The following RNFT2 variants were observed in gnomAD, a reference collection of about 807,000 sequenced individuals.
RNFT2 encodes the protein ring finger protein, transmembrane 2.
A neutral mutation model predicts 53.0 loss-of-function variants in RNFT2; 36 were observed. The ratio of observed to expected loss-of-function variants is 0.68; its 90% CI spans 0.52 to 0.90. The LOEUF (loss-of-function observed/expected upper bound fraction) is 0.90. Ranked by LOEUF, RNFT2 falls within the 40% of genes least tolerant of loss-of-function variation. RNFT2 has a pLI of 0.00. For missense variants in RNFT2, 514 were observed against 585.6 expected, an observed-to-expected ratio of 0.88 and a Z score of 1.26; for synonymous variants, 260 against 253.2, an observed-to-expected ratio of 1.03 and a Z score of -0.26.
At chr12:116,834,008 G>A in intron 8 of RNFT2, 67 bp downstream of exon 8, 1 of 1,412,782 alleles carries the variant, frequency 7.1e-7, no homozygotes, top group South Asian at 1.7e-5. Flanking sequence ...GGCCTCAGGG[G>A]GCTCCTGGGC....
intron 7 of RNFT2, among the ~76,000 whole-genome samples, chr12:116,789,964 A>G (rs989284659): frequency 4.0e-5 from 6 of 149,290 alleles, no homozygotes; most frequent in South Asian, 4.3e-4. Flanking sequence ...GGGTGGGTGG[A>G]TGGATGGATG....
chr12:116,795,281 G>A (rs1448005269), intron 7 of RNFT2, among the ~76,000 whole-genome samples: 1 of 151,946 alleles, frequency 6.6e-6, no homozygotes, highest in Non-Finnish European at 1.5e-5. Context: ...GGTGGCATGT[G>A]CCTGTAATCC....
rs1276045563 is a variant in RNFT2, at chr12:116,750,897, TATATA to T, written c.550+591_550+595del. On this transcript the variant is annotated intron_variant, in intron 4 of 10. Coordinates refer to ENST00000257575, the MANE Select transcript of RNFT2 (RefSeq NM_001382266.1). ...ATATATATATTATATATATAATATA[TATATA>T]TATATATTTTTTTTTGAGACAGGGT... Among the ~76,000 whole-genome samples, 74 of 8,828 alleles carry T rather than the reference TATATA, an allele frequency of 8.4e-3. 2 individuals carry two copies. The highest frequency in any genetic ancestry group is 0.026 in the Admixed American group (12 of 454). The allele number at this position is 8,828 out of a possible 152,430, so 5.8% of individuals were successfully genotyped here.
intron 2 of RNFT2, 49 bp from the exon 3 acceptor site, chr12:116,740,987 G>T (rs375617001): frequency 5.9e-6 from 9 of 1,519,832 alleles, no homozygotes; most frequent in Non-Finnish European, 8.2e-6. Context: ...AATCTGACAG[G>T]CAGTGGGAGT....
intron 5 of RNFT2, among the ~76,000 whole-genome samples, chr12:116,766,578 GT>G (rs1476174622): frequency 2.0e-5 from 3 of 152,216 alleles, no homozygotes; most frequent in African/African-American, 7.2e-5. Context: ...GAACCATGGT[GT>G]TCTCTTGCCT....
chr12:116,774,303 TTA>T (rs2137110364), intron 6 of RNFT2, among the ~76,000 whole-genome samples: 1 of 152,338 alleles, frequency 6.6e-6, no homozygotes, highest in Non-Finnish European at 1.5e-5. Context: ...ACCTTTTATG[TTA>T]TGTGTGTTTT....
chr12:116,744,957 C>G (rs576828025), intron 3 of RNFT2, among the ~76,000 whole-genome samples: 1 of 152,224 alleles, frequency 6.6e-6, no homozygotes, highest in East Asian at 1.9e-4. Context: ...AGGGCTCTTG[C>G]TTTCTGAGCT....
intron 10 of RNFT2, among the ~76,000 whole-genome samples, chr12:116,845,577 A>T (rs561829629): frequency 6.6e-6 from 1 of 152,210 alleles, no homozygotes; most frequent in South Asian, 2.1e-4. Context: ...GCTGTGAATA[A>T]GCCATGGGTT....
At chr12:116,842,686 G>T (rs557923538) in intron 10 of RNFT2, among the ~76,000 whole-genome samples, 26 of 152,164 alleles carry the variant, frequency 1.7e-4, no homozygotes, top group Non-Finnish European at 2.8e-4. Context: ...CGATTCTCCT[G>T]CCTCAGCCTC....
chr12:116,808,908 G>T (rs1875224127), intron 7 of RNFT2, among the ~76,000 whole-genome samples: 1 of 152,118 alleles, frequency 6.6e-6, no homozygotes, highest in African/African-American at 2.4e-5. Flanking sequence ...GTTGAAAGAT[G>T]ATACTTGTCA....
chr12:116,766,558 A>G (rs1230263748), intron 5 of RNFT2, among the ~76,000 whole-genome samples: 3 of 152,178 alleles, frequency 2.0e-5, no homozygotes, highest in African/African-American at 4.8e-5. Context: ...GCTGCTCTGG[A>G]GTCTGCTGCG....
intron 4 of RNFT2, 134 bp downstream of exon 4, chr12:116,750,441 T>C: frequency 1.2e-6 from 1 of 852,982 alleles, no homozygotes; most frequent in Non-Finnish European, 1.8e-6. Context: ...GGATGTGGGA[T>C]TCTGAGTCAG....
rs1877969493 is a variant in RNFT2 at position 116,852,354 on chromosome 12, CCT to C, written c.*2907_*2908del. The C allele has an allele frequency of 7.0e-6, 9 of 1,280,268 alleles. No homozygotes were observed. The highest frequency in any genetic ancestry group is 8.9e-6 in the Non-Finnish European group (9 of 1,009,062). 79.3% of individuals were successfully genotyped at this position (1,280,268 alleles called of 1,614,324 possible). ...CCGCCGTAGATTCAGGACATTTGCC[CCT>C]GTGTGCCACCAAACCAGGACTTTCC... On this transcript the variant is annotated 3_prime_UTR_variant, in exon 11 of 11. Transcript: ENST00000257575.
intron 7 of RNFT2, among the ~76,000 whole-genome samples, chr12:116,791,194 G>A (rs2137134513): frequency 6.6e-6 from 1 of 152,340 alleles, no homozygotes. Flanking sequence ...ATTTGCCTAT[G>A]CTGGACATTT....
chr12:116,846,235 AC>A (rs1453837460), intron 10 of RNFT2, among the ~76,000 whole-genome samples: 1 of 152,108 alleles, frequency 6.6e-6, no homozygotes, highest in Non-Finnish European at 1.5e-5. Context: ...TAGAGCACTT[AC>A]TATTTGCCAG....
intron 7 of RNFT2, among the ~76,000 whole-genome samples, chr12:116,806,391 T>TAG (rs745935581): frequency 0.043 from 5,835 of 137,088 alleles, 170 homozygotes; most frequent in Non-Finnish European, 0.063. Flanking sequence ...AATATATATA[T>TAG]ATATATATAG....
chr12:116,790,849 T>C (rs1874199612), intron 7 of RNFT2, among the ~76,000 whole-genome samples: 1 of 152,148 alleles, frequency 6.6e-6, no homozygotes, highest in African/African-American at 2.4e-5. Context: ...CCCAGCTACT[T>C]GGGAGGCTGA....
intron 7 of RNFT2, among the ~76,000 whole-genome samples, chr12:116,780,624 T>C (rs1275482055): frequency 1.3e-5 from 2 of 150,130 alleles, no homozygotes; most frequent in Non-Finnish European, 3.0e-5. Flanking sequence ...AAGCCGCAGC[T>C]CTGGTACCCA....
chr12:116,741,086 A>G lies in RNFT2; in HGVS notation c.75A>G (p.Pro25=), dbSNP rs1186203641. 6.2e-7 allele frequency: 1 copy of G among 1,609,790 alleles called. No individual in the cohort carries two copies. The highest frequency in any genetic ancestry group is 8.5e-7 in the Non-Finnish European group (1 of 1,177,976). ...ACAGCAGCAACACGGATAACATTCC[A>G]CCTGAAAGGTAGGCATCCCTGCTTC... is the stretch of plus-strand genomic sequence containing the variant. ...RRHSSNTDNI[P]PERNRSQALS... is the part of the protein sequence containing the mutation. Residue 25 remains proline, a synonymous_variant, in exon 3 of 11, where the codon CCA becomes CCG. Coordinates refer to ENST00000257575, the MANE Select transcript of RNFT2 (RefSeq NM_001382266.1).
Sources: gnomAD v4.1 joint callset for allele counts (sites outside exome capture counted in the v4.1 genomes callset) on GRCh38, gnomAD v4.1.1 for gene constraint, MANE v1.5 for transcripts, NCBI Gene and HGNC (gene_info 2026-07-23, HGNC 2026-07-21) for gene names.